Variants in MMS22L observed in about 807,000 individuals in gnomAD.
MMS22L encodes protein MMS22-like.
MMS22L carries 74 observed loss-of-function variants against 159.1 expected under a neutral mutation model. The observed-to-expected ratio is 0.47, with a 90% CI of 0.39 to 0.56. MMS22L has a LOEUF of 0.56. Ranked by LOEUF, MMS22L falls within the 20% of genes least tolerant of loss-of-function variation. The pLI is 0.00. For missense variants in MMS22L, 1,351 were observed against 1,422.1 expected (o/e 0.95, Z 0.80); for synonymous variants, 517 against 506.9 (o/e 1.02, Z -0.27).
At chr6:97,178,747 A>G (rs1292364492) in intron 17 of MMS22L, among the ~76,000 whole-genome samples, 162 bp from the exon 18 acceptor site, 1 of 152,102 alleles carries the variant, frequency 6.6e-6, no homozygotes, top group African/African-American at 2.4e-5. Context: ...AAGGACTTCA[A>G]ATTAAATTTC....
rs754820294 is a variant in MMS22L at position 97,181,982 on chromosome 6, A to C, written c.2306T>G (p.Ile769Ser). 14 of 1,613,730 alleles carry C rather than the reference A, an allele frequency of 8.7e-6. No individual in the cohort carries two copies. Among genetic ancestry groups the C allele is most frequent in the South Asian group, 1.1e-5 (1 of 91,052 alleles). Residue 769 changes from isoleucine to serine, a missense_variant, in exon 16 of 25, where the codon ATT becomes AGT. Transcript: ENST00000683635. ...SDFQPQPVIS[I>S]IQLFGWDDII... The stretch of plus-strand genomic sequence containing the variant: ...ATCATCCCAACCAAAAAGTTGAATA[A>C]TTGATATAACTGGCTGAGGCTGAAA...
rs556643999 is a variant in MMS22L, at chr6:97,158,203, T to A, written c.3385+3799A>T. Among the ~76,000 whole-genome samples the A allele has an allele frequency of 2.0e-5, 3 of 152,282 alleles. No individual in the cohort carries two copies. In the East Asian group the frequency reaches 5.8e-4, roughly 29 times the overall value. On this transcript the variant is annotated intron_variant, in intron 22 of 24. Coordinates refer to ENST00000683635, the MANE Select transcript of MMS22L (RefSeq NM_001350599.2). Reference sequence around the variant, plus strand: ...TTTTTTATTGCATCTATTTGATTCTTCTCTCTTTTCTTCTTAATTAGTCTA... The same window carrying A: ...TTTTTTATTGCATCTATTTGATTCTACTCTCTTTTCTTCTTAATTAGTCTA...
chr6:97,162,347 C>T lies in MMS22L; in HGVS notation c.3222-182G>A, dbSNP rs72627721. On this transcript the variant is annotated intron_variant, in intron 21 of 24. Coordinates refer to ENST00000683635, the MANE Select transcript of MMS22L (RefSeq NM_001350599.2). ...ATAGGATTTTAGAAGCAATGACTGA[C>T]TGTATATCTTTCTGGTGTGTTCTGA... 0.013 allele frequency among the ~76,000 whole-genome samples: 1,909 copies of T among 152,104 alleles called. 63 individuals carry two copies. The East Asian group carries it at 0.14, about 11-fold the overall frequency.
In MMS22L at chr6:97,231,600, A is replaced by T. The variant is rs1256726297; in HGVS notation, c.1355T>A (p.Met452Lys). Residue 452 changes from methionine to lysine, a missense_variant, in exon 13 of 25, where the codon ATG becomes AAG. Transcript: ENST00000683635. ...TTCAAGCATAGACAAGGGTGACTTCATGGTATTAGCAAGGCCTTTAAAAGG... is the reference window on the plus strand; with the variant it reads ...TTCAAGCATAGACAAGGGTGACTTCTTGGTATTAGCAAGGCCTTTAAAAGG... ...WLPFKGLANT[M>K]KSPLSMLEMV... 1 of 1,613,886 alleles carries T rather than the reference A, an allele frequency of 6.2e-7. No individual in the cohort carries two copies. Among genetic ancestry groups the T allele is most frequent in the South Asian group, 1.1e-5 (1 of 91,070 alleles).
chr6:97,214,112 C>T (rs541103564), intron 14 of MMS22L, among the ~76,000 whole-genome samples: 20 of 152,106 alleles, frequency 1.3e-4, no homozygotes, highest in South Asian at 4.1e-4. Context: ...AAAAAAATAC[C>T]TTCTACACAT....
intron 15 of MMS22L, among the ~76,000 whole-genome samples, chr6:97,182,499 TCTC>T (rs1429577683): frequency 6.6e-6 from 1 of 152,228 alleles, no homozygotes; most frequent in South Asian, 2.1e-4. Context: ...TAAACAGAGA[TCTC>T]CTACAATCAA....
intron 22 of MMS22L, among the ~76,000 whole-genome samples, chr6:97,161,686 A>AT (rs1355821318): frequency 1.3e-5 from 2 of 152,074 alleles, no homozygotes; most frequent in Non-Finnish European, 2.9e-5. Context: ...ATTGCCTTTA[A>AT]TACTGAAGTC....
At chr6:97,241,760 T>C (rs1444869084) in intron 11 of MMS22L, among the ~76,000 whole-genome samples, 1 of 152,172 alleles carries the variant, frequency 6.6e-6, no homozygotes, top group Non-Finnish European at 1.5e-5. Flanking sequence ...ACTTTCCTCT[T>C]AGCACTGCTT....
chr6:97,210,518 T>A (rs906611549), intron 14 of MMS22L, among the ~76,000 whole-genome samples: 2 of 151,968 alleles, frequency 1.3e-5, no homozygotes. Flanking sequence ...AATAAATACA[T>A]CTGTCCAACA....
Position 97,229,351 on chromosome 6 carries a change from G to C in MMS22L, c.1582C>G (p.Leu528Val), listed in dbSNP as rs1562483755. 6.2e-7 allele frequency: 1 copy of C among 1,606,718 alleles called. No homozygotes were observed. The highest frequency in any genetic ancestry group is 1.1e-5 in the South Asian group (1 of 90,076). ...KRMEELTEVG[L>V]QNFFSLFLLL... ...AGAAAAAGGCTAAAAAAGTTCTGTAGACCAACTTCAGTTAGTTCTTCCATT... is the reference window on the plus strand; with the variant it reads ...AGAAAAAGGCTAAAAAAGTTCTGTACACCAACTTCAGTTAGTTCTTCCATT... Residue 528 changes from leucine (L) to valine (V), a missense_variant, in exon 14 of 25, where the codon CTA becomes GTA. Coordinates refer to ENST00000683635, the MANE Select transcript of MMS22L (RefSeq NM_001350599.2).
rs1260454125 is a variant in MMS22L, at chr6:97,179,430, A to G, written c.2514T>C (p.Asp838=). The G allele has an allele frequency of 6.2e-7, 1 of 1,612,288 alleles. No homozygotes were observed. Among genetic ancestry groups the G allele is most frequent in the African/African-American group, 1.3e-5 (1 of 74,886 alleles). Residue 838 remains aspartate, a synonymous_variant, in exon 17 of 25, where the codon GAT becomes GAC. Coordinates refer to ENST00000683635, the MANE Select transcript of MMS22L (RefSeq NM_001350599.2). Reference sequence around the variant, plus strand: ...TACCAACTGCCTCTTCCAGATTTTTATCTATGAGCAAATCATCAGGCCCAG... The same window carrying G: ...TACCAACTGCCTCTTCCAGATTTTTGTCTATGAGCAAATCATCAGGCCCAG... ...NLSGPDDLLI[D]KNLEEAVEKE...
intron 11 of MMS22L, 135 bp downstream of exon 11, chr6:97,246,493 C>T (rs1276995222): frequency 7.9e-6 from 5 of 631,050 alleles, no homozygotes; most frequent in Non-Finnish European, 1.4e-5. Context: ...AAAGAAACTA[C>T]TGTGAGTTAA....
intron 14 of MMS22L, among the ~76,000 whole-genome samples, chr6:97,188,491 T>C (rs1805487303): frequency 6.6e-6 from 1 of 152,160 alleles, no homozygotes; most frequent in African/African-American, 2.4e-5. Context: ...TCTTTATAGA[T>C]GACGAAGCTA....
chr6:97,185,569 TAGAC>T (rs1475845107), intron 15 of MMS22L, among the ~76,000 whole-genome samples: 1 of 152,170 alleles, frequency 6.6e-6, no homozygotes, highest in Non-Finnish European at 1.5e-5. Flanking sequence ...TTTATTTTCA[TAGAC>T]ATTACAGTAG....
intron 14 of MMS22L, among the ~76,000 whole-genome samples, chr6:97,211,347 G>A (rs1327991530): frequency 1.3e-5 from 2 of 151,918 alleles, no homozygotes; most frequent in Admixed American, 1.3e-4. Flanking sequence ...ACAATTTTGT[G>A]GCAAATTAAT....
chr6:97,280,178 C>G (rs1399612063), intron 3 of MMS22L, among the ~76,000 whole-genome samples: 2 of 152,110 alleles, frequency 1.3e-5, no homozygotes, highest in Non-Finnish European at 2.9e-5. Context: ...AGAATTCCTT[C>G]CACCTCTCCA....
intron 9 of MMS22L, among the ~76,000 whole-genome samples, chr6:97,262,675 AAGAT>A (rs1814623335): frequency 6.6e-6 from 1 of 151,554 alleles, no homozygotes; most frequent in African/African-American, 2.4e-5. Context: ...AAAAAAAAAA[AAGAT>A]AGCAGCACCC....
In MMS22L at chr6:97,218,098, T is replaced by C. The variant is rs141527561; in HGVS notation, c.2039+10796A>G. The stretch of plus-strand genomic sequence containing the variant: ...GTGGAAAAAATTCAATGATAACTAG[T>C]GAATTAGAAAGATAAAATAATAATA... On this transcript the variant is annotated intron_variant, in intron 14 of 24. Coordinates refer to ENST00000683635, the MANE Select transcript of MMS22L (RefSeq NM_001350599.2). 4.6e-3 allele frequency among the ~76,000 whole-genome samples: 696 copies of C among 152,122 alleles called. 5 individuals are homozygous for C. Among genetic ancestry groups the C allele is most frequent in the Non-Finnish European group, 6.3e-3 (425 of 67,984 alleles).
At chr6:97,178,123 A>G (rs1804310202) in intron 18 of MMS22L, among the ~76,000 whole-genome samples, 1 of 152,172 alleles carries the variant, frequency 6.6e-6, no homozygotes, top group African/African-American at 2.4e-5. Flanking sequence ...TCAGTTCCCA[A>G]GCATCTGAAC....
Sources: allele counts gnomAD v4.1 joint callset (sites outside exome capture counted in the v4.1 genomes callset), GRCh38; gene constraint gnomAD v4.1.1; transcripts MANE v1.5; gene names NCBI Gene and HGNC (gene_info 2026-07-23, HGNC 2026-07-21).